PDE7A: variants seen among roughly 807,000 people sequenced by gnomAD.
PDE7A encodes high affinity 3',5'-cyclic-AMP phosphodiesterase 7A.
Under a neutral mutation model 64.3 loss-of-function variants are expected in PDE7A, and 39 were observed. The observed-to-expected ratio is 0.61, with a 90% CI of 0.47 to 0.79. The LOEUF is 0.79. PDE7A is among the 30% of genes least tolerant of loss of function. The pLI is 0.00. For missense variants in PDE7A, 470 were observed against 582.8 expected (o/e 0.81, Z 1.99); for synonymous variants, 203 against 206.8 (o/e 0.98, Z 0.16).
At chr8:65,792,661 A>C (rs2128926344) in intron 1 of PDE7A, among the ~76,000 whole-genome samples, 1 of 152,342 alleles carries the variant, frequency 6.6e-6, no homozygotes, top group Non-Finnish European at 1.5e-5. Context: ...CGACAGAAAA[A>C]ATGTGAACAC....
intron 3 of PDE7A, among the ~76,000 whole-genome samples, chr8:65,756,657 T>C (rs1019882756): frequency 2.0e-5 from 3 of 152,224 alleles, no homozygotes; most frequent in Admixed American, 2.0e-4. Context: ...TATTTGTTTT[T>C]AGTTATTTGT....
rs527919974 is a variant in PDE7A, at chr8:65,715,271, C to G, written c.*4019G>C. 6.6e-6 allele frequency among the ~76,000 whole-genome samples: 1 copy of G among 152,144 alleles called. No individual in the cohort carries two copies. Among genetic ancestry groups the G allele is most frequent in the South Asian group, 2.1e-4 (1 of 4,812 alleles). On this transcript the variant is annotated 3_prime_UTR_variant, in exon 13 of 13. Coordinates refer to ENST00000401827, the MANE Select transcript of PDE7A (RefSeq NM_001242318.3). ...GAGCTATAGGCCTGATGCAGTGTCT[C>G]ACACCTGTAATCCCAGCACTTTGAG... is the stretch of plus-strand genomic sequence containing the variant.
chr8:65,814,575 A>ATT, intron 1 of PDE7A, among the ~76,000 whole-genome samples: 1 of 151,122 alleles, frequency 6.6e-6, no homozygotes, highest in Admixed American at 6.7e-5. Context: ...GTACACATAT[A>ATT]ATACATACGA....
At chr8:65,823,750 T>C (rs2128932902) in intron 1 of PDE7A, among the ~76,000 whole-genome samples, 1 of 152,288 alleles carries the variant, frequency 6.6e-6, no homozygotes, top group South Asian at 2.1e-4. Context: ...CAAACTAGTA[T>C]ATTGAAGACA....
At chr8:65,829,816 A>C (rs1810766670) in intron 1 of PDE7A, among the ~76,000 whole-genome samples, 1 of 152,134 alleles carries the variant, frequency 6.6e-6, no homozygotes, top group Admixed American at 6.6e-5. Flanking sequence ...ATGACAGATG[A>C]ATAAGGTATT....
chr8:65,782,188 G>A (rs912699312), intron 2 of PDE7A, among the ~76,000 whole-genome samples: 1 of 152,182 alleles, frequency 6.6e-6, no homozygotes, highest in African/African-American at 2.4e-5. Flanking sequence ...TAATATGCAT[G>A]TTTAATAATA....
Position 65,823,473 on chromosome 8 carries a change from T to C in PDE7A, c.138+17898A>G, listed in dbSNP as rs75064379. On this transcript the variant is annotated intron_variant, in intron 1 of 12. Coordinates refer to ENST00000401827, the MANE Select transcript of PDE7A (RefSeq NM_001242318.3). ...GTTTCAGAAAACTAATCTGTCTAAA[T>C]GGGTCTTATTTTCTATTTTTCTTAC... 4.3e-3 allele frequency among the ~76,000 whole-genome samples: 659 copies of C among 152,298 alleles called. 1 individual carries two copies. The highest frequency in any genetic ancestry group is 7.3e-3 in the Non-Finnish European group (494 of 68,014).
chr8:65,721,796 C>CT (rs1563468523), intron 12 of PDE7A: 1 of 146,478 alleles, frequency 6.8e-6, no homozygotes, highest in Non-Finnish European at 1.5e-5. Context: ...CTCTTTTGTC[C>CT]ATTTTTTTTT....
At chr8:65,790,931 T>G (rs1365413474) in intron 1 of PDE7A, among the ~76,000 whole-genome samples, 1 of 152,204 alleles carries the variant, frequency 6.6e-6, no homozygotes, top group Admixed American at 6.5e-5. Flanking sequence ...TGTAAGAGGC[T>G]GTGCAGCCTG....
chr8:65,724,902 T>C lies in PDE7A; in HGVS notation c.940A>G (p.Ile314Val). 6.2e-7 allele frequency: 1 copy of C among 1,603,506 alleles called. No individual in the cohort carries two copies. The highest frequency in any genetic ancestry group is 8.5e-7 in the Non-Finnish European group (1 of 1,174,032). ...LESRQQMETQ[I>V]GALILATDIS... ...TCTGTGGCTAGTATCAGAGCACCTA[T>C]CTGTGTCTCCATTTGTTGCCTGGAA... Residue 314 changes from isoleucine (I) to valine (V), a missense_variant, in exon 10 of 13, where the codon ATA becomes GTA. Ile to Val is a conservative substitution (Grantham distance 29). Transcript: ENST00000401827.
chr8:65,799,205 A>G (rs996007911), intron 1 of PDE7A, among the ~76,000 whole-genome samples: 8 of 152,134 alleles, frequency 5.3e-5, no homozygotes, highest in Non-Finnish European at 1.0e-4. Context: ...AAAATTAATC[A>G]AACTGTATGT....
chr8:65,835,753 G>A (rs1290635555), intron 1 of PDE7A, among the ~76,000 whole-genome samples: 1 of 152,164 alleles, frequency 6.6e-6, no homozygotes, highest in Non-Finnish European at 1.5e-5. Context: ...TGGTGTTTAA[G>A]AAGGAATTCC....
intron 6 of PDE7A, among the ~76,000 whole-genome samples, chr8:65,737,620 G>A (rs1174359453): frequency 6.6e-6 from 1 of 152,172 alleles, no homozygotes; most frequent in East Asian, 1.9e-4. Flanking sequence ...CTGGGTTCAA[G>A]TAATTCTCCT....
At chr8:65,828,047 A>G (rs1200321124) in intron 1 of PDE7A, among the ~76,000 whole-genome samples, 1 of 152,122 alleles carries the variant, frequency 6.6e-6, no homozygotes, top group Non-Finnish European at 1.5e-5. Flanking sequence ...CATAACTTAA[A>G]AATTCCACTT....
intron 5 of PDE7A, among the ~76,000 whole-genome samples, chr8:65,744,781 C>T (rs1225717033): frequency 6.6e-6 from 1 of 152,192 alleles, no homozygotes; most frequent in Non-Finnish European, 1.5e-5. Context: ...GCGGCAATTG[C>T]CAACCAATCT....
chr8:65,794,616 G>C (rs1207833723), intron 1 of PDE7A, among the ~76,000 whole-genome samples: 1 of 152,132 alleles, frequency 6.6e-6, no homozygotes, highest in African/African-American at 2.4e-5. Context: ...AACCAGTGTA[G>C]AAGTCCAAAA....
intron 1 of PDE7A, chr8:65,838,775 G>A (rs1336458184): frequency 6.6e-6 from 1 of 152,212 alleles, no homozygotes; most frequent in African/African-American, 2.4e-5. Context: ...TGTGTCTGCT[G>A]TCAACCTTTG....
intron 3 of PDE7A, among the ~76,000 whole-genome samples, chr8:65,766,671 T>TC (rs1331213774): frequency 6.6e-6 from 1 of 152,216 alleles, no homozygotes; most frequent in African/African-American, 2.4e-5. Context: ...CTCCTCTTCC[T>TC]CCATTATCTT....
rs1042837631 is a variant in PDE7A at position 65,715,825 on chromosome 8, A to G, written c.*3465T>C. On this transcript the variant is annotated 3_prime_UTR_variant, in exon 13 of 13. Coordinates refer to ENST00000401827, the MANE Select transcript of PDE7A (RefSeq NM_001242318.3). ...ATGGTGAAACCCTAACTCTACTAAT[A>G]AAGTACAAAAAAATTAGCAGGGCCT... 1.5e-4 allele frequency among the ~76,000 whole-genome samples: 22 copies of G among 150,370 alleles called. No homozygotes were observed. The highest frequency in any genetic ancestry group is 4.9e-4 in the African/African-American group (20 of 41,230).
Sources: gnomAD v4.1 joint callset for allele counts (sites outside exome capture counted in the v4.1 genomes callset) on GRCh38, gnomAD v4.1.1 for gene constraint, MANE v1.5 for transcripts, NCBI Gene and HGNC (gene_info 2026-07-23, HGNC 2026-07-21) for gene names.